PABPC1L: variants seen among roughly 807,000 people sequenced by gnomAD.
PABPC1L encodes the protein polyadenylate-binding protein 1-like.
PABPC1L carries 31 observed loss-of-function variants against 66.6 expected under a neutral mutation model. That is an observed-to-expected ratio of 0.47 (90% confidence interval 0.35 to 0.63). PABPC1L has a LOEUF of 0.63. Ranked by LOEUF, PABPC1L falls within the 20% of genes least tolerant of loss-of-function variation. The pLI, the probability that PABPC1L is intolerant of heterozygous loss-of-function variation, is 0.00. For missense variants in PABPC1L, 722 were observed against 848.8 expected (o/e 0.85, Z 1.86); for synonymous variants, 348 against 335.1 (o/e 1.04, Z -0.42).
At chr20:44,922,667 G>A (rs981060044) in intron 6 of PABPC1L, among the ~76,000 whole-genome samples, 1 of 152,198 alleles carries the variant, frequency 6.6e-6, no homozygotes, top group Non-Finnish European at 1.5e-5. Context: ...CACCACGCCT[G>A]GCCCCCTCTA....
chr20:44,938,567 T>C, intron 13 of PABPC1L, 107 bp from the exon 14 acceptor site: 1 of 1,299,132 alleles, frequency 7.7e-7, no homozygotes, highest in Non-Finnish European at 1.1e-6. Context: ...ACCCTGTGGA[T>C]GGAGGAGGAT....
In PABPC1L at chr20:44,910,143, C is replaced by G; in HGVS notation, c.-1C>G. On this transcript the variant is annotated 5_prime_UTR_variant, in exon 1 of 15. Transcript: ENST00000217073. Reference sequence around the variant, plus strand: ...CCCGCAGCCCCGGCCCCCTGCCCACCATGAACGCCAGCGGTTCTGGCTACC... The same window carrying G: ...CCCGCAGCCCCGGCCCCCTGCCCACGATGAACGCCAGCGGTTCTGGCTACC... 1.3e-6 allele frequency: 2 copies of G among 1,559,618 alleles called. No individual in the cohort carries two copies. Among genetic ancestry groups the G allele is most frequent in the Non-Finnish European group, 1.7e-6 (2 of 1,152,348 alleles).
chr20:44,910,323 G>A lies in PABPC1L; in HGVS notation c.180G>A (p.Gln60=). Residue 60 remains glutamine (Q), a synonymous_variant, in exon 1 of 15, where the codon CAG becomes CAA. Coordinates refer to ENST00000217073, the MANE Select transcript of PABPC1L (RefSeq NM_001372179.1). ...RSLGYAYINF[Q]QPADAERALD... ...TGGGCTACGCCTACATCAACTTCCA[G>A]CAGCCCGCGGACGGTGAGCCCCGGG... is the stretch of plus-strand genomic sequence containing the variant. 1 of 1,515,676 alleles carries A rather than the reference G, an allele frequency of 6.6e-7. No individual in the cohort carries two copies. The highest frequency in any genetic ancestry group is 2.0e-5 in the Admixed American group (1 of 49,136). 93.9% of individuals were successfully genotyped at this position (1,515,676 alleles called of 1,614,324 possible).
chr20:44,927,448 A>G (rs1343441094), intron 7 of PABPC1L, among the ~76,000 whole-genome samples: 1 of 151,960 alleles, frequency 6.6e-6, no homozygotes, highest in Non-Finnish European at 1.5e-5. Context: ...CCTGGGTTCA[A>G]GTGATTCTCC....
In PABPC1L at chr20:44,932,441, C is replaced by A. The variant is rs760684768; in HGVS notation, c.1330+9C>A. ...GCCACCTAGACCTTCCTGTGAGTGA[C>A]CCAGCCCCTTCCACTCTCAGACTGG... On this transcript the variant is annotated intron_variant, in intron 9 of 14. Coordinates refer to ENST00000217073, the MANE Select transcript of PABPC1L (RefSeq NM_001372179.1). The A allele has an allele frequency of 1.9e-6, 3 of 1,606,480 alleles. No homozygotes were observed. Among genetic ancestry groups the A allele is most frequent in the Non-Finnish European group, 2.6e-6 (3 of 1,174,578 alleles).
chr20:44,937,138 A>G (rs1037509351), intron 12 of PABPC1L: 32 of 376,984 alleles, frequency 8.5e-5, no homozygotes, highest in African/African-American at 8.5e-5. Flanking sequence ...CCAGTGCTCA[A>G]TGCGGGCAGG....
chr20:44,932,952 C>A, intron 9 of PABPC1L, 105 bp from the exon 10 acceptor site: 1 of 677,424 alleles, frequency 1.5e-6, no homozygotes, highest in Non-Finnish European at 2.5e-6. Flanking sequence ...AGTTTCCCTT[C>A]CCATTCTCTT....
chr20:44,936,738 G>A lies in PABPC1L; in HGVS notation c.1660+8G>A. 1 of 1,601,240 alleles carries A rather than the reference G, an allele frequency of 6.2e-7. No individual in the cohort carries two copies. The highest frequency in any genetic ancestry group is 8.5e-7 in the Non-Finnish European group (1 of 1,175,032). ...AGCAAAAGCAGATGATTGGTGAGTGGCTGGTTCTCCTACTGTGGAGCAAGA... is the reference window on the plus strand; with the variant it reads ...AGCAAAAGCAGATGATTGGTGAGTGACTGGTTCTCCTACTGTGGAGCAAGA... On this transcript the variant is annotated splice_region_variant and intron_variant, in intron 12 of 14. Coordinates refer to ENST00000217073, the MANE Select transcript of PABPC1L (RefSeq NM_001372179.1).
Position 44,912,720 on chromosome 20 carries a change from T to A in PABPC1L, c.254T>A (p.Met85Lys), listed in dbSNP as rs1568641659. The A allele has an allele frequency of 6.2e-7, 1 of 1,614,200 alleles. No individual in the cohort carries two copies. Among genetic ancestry groups the A allele is most frequent in the Admixed American group, 1.7e-5 (1 of 60,032 alleles). The change falls in exon 2 of 15, where the codon ATG (methionine) becomes AAG (lysine). Residue 85 changes from methionine to lysine, a missense_variant. Met to Lys is a moderately conservative substitution (Grantham distance 95). Around this residue, in one of 3 missense-constraint regions of PABPC1L, gnomAD observed 284 missense variants for 294.8 expected, o/e 0.96. Coordinates refer to ENST00000217073, the MANE Select transcript of PABPC1L (RefSeq NM_001372179.1). ...CTCAAAGGCCAGCCTATTCGCATCATGTGGTCCCAGCGAGACCCAGGACTT... is the reference window on the plus strand; with the variant it reads ...CTCAAAGGCCAGCCTATTCGCATCAAGTGGTCCCAGCGAGACCCAGGACTT... ...EMLKGQPIRI[M>K]WSQRDPGLRK... is the part of the protein sequence containing the mutation.
In PABPC1L at chr20:44,910,332, G is replaced by A; in HGVS notation, c.189G>A (p.Ala63=). Reference sequence around the variant, plus strand: ...CCTACATCAACTTCCAGCAGCCCGCGGACGGTGAGCCCCGGGGATGGGGCG... The same window carrying A: ...CCTACATCAACTTCCAGCAGCCCGCAGACGGTGAGCCCCGGGGATGGGGCG... ...GYAYINFQQP[A]DAERALDTMN... Residue 63 remains alanine (A), a synonymous_variant, in exon 1 of 15, where the codon GCG becomes GCA. Coordinates refer to ENST00000217073, the MANE Select transcript of PABPC1L (RefSeq NM_001372179.1). 1.3e-6 allele frequency: 2 copies of A among 1,508,104 alleles called. No homozygotes were observed. The highest frequency in any genetic ancestry group is 1.8e-6 in the Non-Finnish European group (2 of 1,120,554). The allele number at this position is 1,508,104 out of a possible 1,614,324, so 93.4% of individuals were successfully genotyped here. A position where few individuals can be genotyped will look rare whatever the true frequency, so the allele number is the denominator to read the frequency against.
In PABPC1L at chr20:44,938,750, T is replaced by C. The variant is rs758464332; in HGVS notation, c.*6+2T>C. 3 of 1,608,826 alleles carry C rather than the reference T, an allele frequency of 1.9e-6. No individual in the cohort carries two copies. Among genetic ancestry groups the C allele is most frequent in the Non-Finnish European group, 1.7e-6 (2 of 1,177,838 alleles). On this transcript the variant is annotated splice_donor_variant, in intron 14 of 14. Coordinates refer to ENST00000217073, the MANE Select transcript of PABPC1L (RefSeq NM_001372179.1). LOFTEE classifies it low-confidence loss of function (3UTR_SPLICE). ...AAGGCGTACATGCACTGAAACCAGG[T>C]GGGTGGAATGGTGACAGAAGCAGCT...
At chr20:44,912,134 A>AT (rs1422151655) in intron 1 of PABPC1L, among the ~76,000 whole-genome samples, 1 of 152,172 alleles carries the variant, frequency 6.6e-6, no homozygotes, top group African/African-American at 2.4e-5. Flanking sequence ...TATTACCATC[A>AT]TTCCCCCTTT....
At chr20:44,913,820 A>G (rs2066720643) in intron 2 of PABPC1L, among the ~76,000 whole-genome samples, 1 of 152,220 alleles carries the variant, frequency 6.6e-6, no homozygotes, top group Non-Finnish European at 1.5e-5. Flanking sequence ...AATTGGGGCC[A>G]TCAAGGCAAT....
chr20:44,923,629 CAAA>C (rs926976464), intron 6 of PABPC1L, among the ~76,000 whole-genome samples: 1 of 140,056 alleles, frequency 7.1e-6, no homozygotes, highest in African/African-American at 2.6e-5. Flanking sequence ...AAATCCATCT[CAAA>C]AAAAAAAAGT....
chr20:44,935,347 A>G (rs199637064), intron 10 of PABPC1L, 44 bp from the exon 11 acceptor site: 7 of 1,469,438 alleles, frequency 4.8e-6, no homozygotes, highest in East Asian at 2.3e-5. Flanking sequence ...GATAGCAGCT[A>G]TTTGAACTCT....
At chr20:44,911,994 G>C (rs1249854213) in intron 1 of PABPC1L, among the ~76,000 whole-genome samples, 2 of 152,190 alleles carry the variant, frequency 1.3e-5, no homozygotes, top group Non-Finnish European at 2.9e-5. Flanking sequence ...CTGCTGTTTT[G>C]AGACATTATT....
At chr20:44,928,844 GAC>G (rs1342524570) in intron 7 of PABPC1L, among the ~76,000 whole-genome samples, 1 of 112,560 alleles carries the variant, frequency 8.9e-6, no homozygotes, top group African/African-American at 3.6e-5. Flanking sequence ...CAGCCTGAGT[GAC>G]AGAGTGAGAT....
chr20:44,928,864 C>CAAAAAAA (rs10597679), intron 7 of PABPC1L, among the ~76,000 whole-genome samples: 6 of 54,326 alleles, frequency 1.1e-4, no homozygotes, highest in Non-Finnish European at 1.5e-4. Context: ...GATCCTGACT[C>CAAAAAAA]AAAAAAAAAA....
At chr20:44,937,415 A>AT (rs1015243646) in intron 12 of PABPC1L, among the ~76,000 whole-genome samples, 32 of 143,912 alleles carry the variant, frequency 2.2e-4, no homozygotes, top group East Asian at 6.0e-4. Flanking sequence ...TCACCCCGAA[A>AT]TTTTTTTTTT....
Sources: gnomAD v4.1 joint callset for allele counts (sites outside exome capture counted in the v4.1 genomes callset) on GRCh38, gnomAD v4.1.1 for gene constraint, gnomAD v4.1.1 regional missense constraint, MANE v1.5 for transcripts, NCBI Gene and HGNC (gene_info 2026-07-23, HGNC 2026-07-21) for gene names.